Variants in CUX1 observed in about 807,000 individuals in gnomAD.
CUX1 encodes protein CASP.
CUX1 carries 31 observed loss-of-function variants against 158.8 expected under a neutral mutation model. The ratio of observed to expected loss-of-function variants is 0.20; its 90% CI spans 0.15 to 0.26. The LOEUF is 0.26. Among genes scored for constraint, CUX1 ranks in the 10% least tolerant of loss-of-function variants. The pLI is 1.00. For synonymous variants in CUX1, 879 were observed against 862.1 expected (o/e 1.02, Z -0.34); for missense variants, 1,589 against 2,014.6 (o/e 0.79, Z 4.04).
chr7:102,257,815 T>C lies in CUX1; in HGVS notation c.*8773T>C. On this transcript the variant is annotated 3_prime_UTR_variant, in exon 24 of 24. Coordinates refer to ENST00000292535, the MANE Select transcript of CUX1 (RefSeq NM_181552.4). ...GATCTTTCTAGAGCTTGTTTGTTCA[T>C]CCTCACAATCACAGATTTTTTTCTC... 2.0e-6 allele frequency: 2 copies of C among 983,784 alleles called. No individual in the cohort carries two copies. Among genetic ancestry groups the C allele is most frequent in the African/African-American group, 3.5e-5 (2 of 56,736 alleles). 60.9% of individuals were successfully genotyped at this position (983,784 alleles called of 1,614,324 possible). A position where few individuals can be genotyped will look rare whatever the true frequency, so the allele number is the denominator to read the frequency against.
intron 8 of CUX1, among the ~76,000 whole-genome samples, chr7:102,120,554 G>A (rs368009485): frequency 2.6e-5 from 4 of 152,110 alleles, no homozygotes; most frequent in African/African-American, 7.2e-5. Context: ...TACATAGTAC[G>A]GTTACAAAAG....
intron 18 of CUX1, among the ~76,000 whole-genome samples, chr7:102,279,542 G>A (rs1554548646): frequency 6.6e-6 from 1 of 152,106 alleles, no homozygotes; most frequent in African/African-American, 2.4e-5. Flanking sequence ...GAAGAGCGTG[G>A]GGCATAGTGG....
Position 102,202,183 on chromosome 7 carries a change from C to T in CUX1, c.2886C>T (p.Cys962=). Residue 962 remains cysteine (C), a synonymous_variant, in exon 18 of 24, where the codon TGC becomes TGT. Coordinates refer to ENST00000292535, the MANE Select transcript of CUX1 (RefSeq NM_181552.4). Reference sequence around the variant, plus strand: ...AAAAGCTGGCCAAGAACGGCATCTGCCAGAGAATCTTCGGGGAGAAGGTAA... The same window carrying T: ...AAAAGCTGGCCAAGAACGGCATCTGTCAGAGAATCTTCGGGGAGAAGGTAA... ...VKEKLAKNGI[C]QRIFGEKVLG... The T allele has an allele frequency of 6.2e-7, 1 of 1,607,812 alleles. No individual in the cohort carries two copies. The highest frequency in any genetic ancestry group is 8.5e-7 in the Non-Finnish European group (1 of 1,175,502).
intron 1 of CUX1, among the ~76,000 whole-genome samples, chr7:101,840,438 A>G (rs920743902): frequency 2.0e-5 from 3 of 152,184 alleles, no homozygotes; most frequent in African/African-American, 7.2e-5. Context: ...TTTTTTTGGT[A>G]TAAATAGGCG....
At position 102,201,461 on chromosome 7, in the gene CUX1, G is replaced by A; in HGVS notation, c.2164G>A (p.Ala722Thr). The A allele has an allele frequency of 6.2e-7, 1 of 1,614,082 alleles. No homozygotes were observed. Among genetic ancestry groups the A allele is most frequent in the South Asian group, 1.1e-5 (1 of 91,080 alleles). The change falls in exon 18 of 24, where the codon GCT becomes ACT. Residue 722 changes from alanine (A) to threonine (T), a missense_variant. Physicochemically the swap from Ala to Thr is moderately conservative, Grantham distance 58. Transcript: ENST00000292535. This position sits in a 1 kb window ranked among gnomAD's most constrained non-coding sequence, Gnocchi z 5.0. ...CCGCCGGGAGATGGAGGCCCAGCAG[G>A]CTGCCCTCGACCCTGCCTTAAAGCA... ...QARREMEAQQ[A>T]ALDPALKQAP...
intron 10 of CUX1, 56 bp from the exon 11 acceptor site, chr7:102,178,413 C>T: frequency 6.6e-7 from 1 of 1,515,540 alleles, no homozygotes; most frequent in African/African-American, 1.4e-5. Flanking sequence ...CACAGGTAGC[C>T]TCGAGCACCC....
At chr7:101,928,342 G>T (rs533850216) in intron 2 of CUX1, among the ~76,000 whole-genome samples, 1 of 150,930 alleles carries the variant, frequency 6.6e-6, no homozygotes, top group Admixed American at 6.6e-5. Context: ...TTGAGAAATT[G>T]TGTTCACAAA....
chr7:101,834,339 A>G (rs1441289264), intron 1 of CUX1, among the ~76,000 whole-genome samples: 1 of 150,704 alleles, frequency 6.6e-6, no homozygotes, highest in Non-Finnish European at 1.5e-5. Context: ...ACGCCCAGCT[A>G]ATTTTTGTAT....
At chr7:102,278,418 C>T (rs983671171) in intron 18 of CUX1, among the ~76,000 whole-genome samples, 4 of 151,480 alleles carry the variant, frequency 2.6e-5, no homozygotes, top group East Asian at 2.0e-4. Flanking sequence ...GGTGAAACCC[C>T]GTCTCTACTA....
At chr7:102,215,941 C>T (rs1554524440) in intron 20 of CUX1, among the ~76,000 whole-genome samples, 1 of 152,222 alleles carries the variant, frequency 6.6e-6, no homozygotes, top group African/African-American at 2.4e-5. Context: ...GCCTGCTGTC[C>T]ACCATGTGCC....
At chr7:101,874,767 G>A (rs1798946612) in intron 1 of CUX1, among the ~76,000 whole-genome samples, 1 of 152,184 alleles carries the variant, frequency 6.6e-6, no homozygotes, top group Non-Finnish European at 1.5e-5. Context: ...AGGATTTGAA[G>A]CAAAATCAAC....
intron 4 of CUX1, among the ~76,000 whole-genome samples, chr7:102,082,725 A>G (rs1372971941): frequency 1.4e-5 from 2 of 147,272 alleles, no homozygotes; most frequent in African/African-American, 2.4e-5. Flanking sequence ...GTGGTCCTAC[A>G]TCTGGCCTCT....
chr7:102,118,304 G>C (rs1478449241), intron 8 of CUX1, among the ~76,000 whole-genome samples: 4 of 152,190 alleles, frequency 2.6e-5, no homozygotes, highest in African/African-American at 9.6e-5. Context: ...TTGGGAGCCT[G>C]AGGCGGGCGG....
intron 2 of CUX1, among the ~76,000 whole-genome samples, chr7:102,001,061 G>C (rs1166030563): frequency 6.6e-6 from 1 of 152,034 alleles, no homozygotes; most frequent in Non-Finnish European, 1.5e-5. Context: ...TTACAGGCAT[G>C]AGTCACCATG....
chr7:102,122,252 TG>T (rs1832123437), intron 8 of CUX1, among the ~76,000 whole-genome samples: 1 of 152,208 alleles, frequency 6.6e-6, no homozygotes, highest in Non-Finnish European at 1.5e-5. Context: ...GTAATTACCC[TG>T]GTTGGATTAA....
At chr7:102,241,071 C>T (rs1324546046) in intron 23 of CUX1, among the ~76,000 whole-genome samples, 3 of 152,142 alleles carry the variant, frequency 2.0e-5, no homozygotes, top group East Asian at 3.9e-4. Context: ...CCGCCTGCCT[C>T]GGCCTCCCAA....
intron 23 of CUX1, among the ~76,000 whole-genome samples, chr7:102,244,022 G>A (rs186263642): frequency 2.6e-5 from 4 of 151,784 alleles, no homozygotes; most frequent in East Asian, 1.9e-4. Flanking sequence ...GCAAAACTCC[G>A]TCTCAAAAAA....
intron 20 of CUX1, among the ~76,000 whole-genome samples, chr7:102,211,055 A>G (rs912315495): frequency 2.6e-5 from 4 of 152,180 alleles, no homozygotes; most frequent in Admixed American, 2.0e-4. Context: ...GCTCTCCCAC[A>G]TTCATGGCTA....
intron 2 of CUX1, among the ~76,000 whole-genome samples, chr7:101,982,734 T>A (rs879429115): frequency 1.6e-4 from 25 of 152,158 alleles, no homozygotes; most frequent in Non-Finnish European, 3.2e-4. Context: ...TTTTTTTTTT[T>A]ATTATACTTT....
Sources: gnomAD v4.1 joint callset for allele counts (sites outside exome capture counted in the v4.1 genomes callset) on GRCh38, gnomAD v4.1.1 for gene constraint, Gnocchi (gnomAD v3.1) non-coding constraint, MANE v1.5 for transcripts, NCBI Gene and HGNC (gene_info 2026-07-23, HGNC 2026-07-21) for gene names.